CCDC175: variants seen among roughly 807,000 people sequenced by gnomAD.
CCDC175 encodes the protein coiled-coil domain-containing protein 175.
In CCDC175, 100 loss-of-function variants were observed where a neutral mutation model predicts 114.6. That is an observed-to-expected ratio of 0.87 (90% CI 0.74 to 1.03). The LOEUF (loss-of-function observed/expected upper bound fraction) is 1.03, where lower values mean the gene tolerates loss of function less well. CCDC175 is among the 50% of genes least tolerant of loss of function. The pLI is 0.00. For synonymous variants in CCDC175, 306 were observed against 308.7 expected, an observed-to-expected ratio of 0.99 and a Z score of 0.09; for missense variants, 880 against 917.8, an observed-to-expected ratio of 0.96 and a Z score of 0.53.
At chr14:59,557,347 T>A (rs1895965130) in intron 7 of CCDC175, among the ~76,000 whole-genome samples, 1 of 151,446 alleles carries the variant, frequency 6.6e-6, no homozygotes, top group African/African-American at 2.4e-5. Flanking sequence ...ACCATCATTC[T>A]CAGCAAACTA....
At chr14:59,539,716 G>A (rs1397082167) in intron 11 of CCDC175, among the ~76,000 whole-genome samples, 3 of 152,068 alleles carry the variant, frequency 2.0e-5, no homozygotes, top group African/African-American at 7.2e-5. Context: ...GAGTTTGAGA[G>A]CAGCGTGGCC....
At chr14:59,561,252 T>C in intron 6 of CCDC175, 24 bp from the exon 7 acceptor site, 1 of 1,287,634 alleles carries the variant, frequency 7.8e-7, no homozygotes, top group African/African-American at 1.5e-5. Context: ...AACAAAAATA[T>C]GGCATCCAAT....
chr14:59,574,072 G>C (rs1460599341), intron 2 of CCDC175, among the ~76,000 whole-genome samples: 2 of 152,130 alleles, frequency 1.3e-5, no homozygotes, highest in Non-Finnish European at 2.9e-5. Flanking sequence ...CAGCACCACA[G>C]AGCTGCACAA....
chr14:59,549,336 C>A lies in CCDC175; in HGVS notation c.1035+2019G>T, dbSNP rs142313432. Among the ~76,000 whole-genome samples, 27 of 152,220 alleles carry A rather than the reference C, an allele frequency of 1.8e-4. No individual in the cohort carries two copies. In the East Asian group the frequency reaches 5.2e-3, roughly 29 times the overall value. ...CACAACCAGCCGAGGCAACATAAAG[C>A]GACCTGTCTCTGCAAATAATTTAAA... On this transcript the variant is annotated intron_variant, in intron 8 of 19. Coordinates refer to ENST00000537690, the MANE Select transcript of CCDC175 (RefSeq NM_001164399.2).
At chr14:59,533,425 A>G (rs779723043) in intron 13 of CCDC175, among the ~76,000 whole-genome samples, 6 of 152,208 alleles carry the variant, frequency 3.9e-5, no homozygotes, top group African/African-American at 7.2e-5. Context: ...CAGTTTCCCA[A>G]TGAAAAAGGA....
chr14:59,511,885 T>C (rs116701549), intron 17 of CCDC175, 82 bp from the exon 18 acceptor site: 1 of 1,032,460 alleles, frequency 9.7e-7, no homozygotes, highest in Non-Finnish European at 1.4e-6. Flanking sequence ...CATTTTTGTT[T>C]TTTCAAAAAT....
intron 17 of CCDC175, among the ~76,000 whole-genome samples, chr14:59,515,100 A>C (rs1892994923): frequency 6.6e-6 from 1 of 152,224 alleles, no homozygotes; most frequent in South Asian, 2.1e-4. Context: ...AAAATCCTTT[A>C]TAGACAAGCA....
intron 7 of CCDC175, among the ~76,000 whole-genome samples, chr14:59,552,896 G>A (rs1037224978): frequency 7.9e-5 from 12 of 152,264 alleles, no homozygotes; most frequent in East Asian, 1.9e-4. Flanking sequence ...GAAATGAAGC[G>A]AGAAGAGAAG....
At position 59,521,650 on chromosome 14, in the gene CCDC175, T is replaced by C. The variant is rs1374491083; in HGVS notation, c.2022A>G (p.Ile674Met). 14 of 1,530,464 alleles carry C rather than the reference T, an allele frequency of 9.1e-6. No individual in the cohort carries two copies. Among genetic ancestry groups the C allele is most frequent in the Non-Finnish European group, 1.1e-5 (12 of 1,140,844 alleles). The allele number at this position is 1,530,464 out of a possible 1,614,324, so 94.8% of individuals were successfully genotyped here. A position where few individuals can be genotyped will look rare whatever the true frequency, so the allele number is the denominator to read the frequency against. The change falls in exon 17 of 20, where the codon ATA becomes ATG. Residue 674 changes from isoleucine to methionine, a missense_variant. Coordinates refer to ENST00000537690, the MANE Select transcript of CCDC175 (RefSeq NM_001164399.2). Reference sequence around the variant, plus strand: ...CTTCTTGTCCTTCTCTGTATTTCTCTATGTTATTCTTCAAGTATAAAATAT... The same window carrying C: ...CTTCTTGTCCTTCTCTGTATTTCTCCATGTTATTCTTCAAGTATAAAATAT... ...KEYILYLKNN[I>M]EKYREGQEAL...
intron 10 of CCDC175, among the ~76,000 whole-genome samples, 196 bp downstream of exon 10, chr14:59,543,148 T>C (rs780626502): frequency 1.3e-5 from 2 of 152,168 alleles, no homozygotes; most frequent in Non-Finnish European, 1.5e-5. Context: ...GGAGCTCCCA[T>C]AGAATTCAGA....
chr14:59,572,934 C>T, intron 2 of CCDC175, 121 bp from the exon 3 acceptor site: 8 of 560,566 alleles, frequency 1.4e-5, no homozygotes, highest in African/African-American at 1.4e-4. Context: ...ATATCTTCTG[C>T]CATTATTTTT....
At chr14:59,576,593 C>T in intron 1 of CCDC175, 26 bp downstream of exon 1, 1 of 1,402,584 alleles carries the variant, frequency 7.1e-7, no homozygotes, top group Non-Finnish European at 9.2e-7. Context: ...GGAGACGTCC[C>T]TTCCAGCGCC....
At chr14:59,553,271 A>G (rs1895644172) in intron 7 of CCDC175, among the ~76,000 whole-genome samples, 1 of 152,258 alleles carries the variant, frequency 6.6e-6, no homozygotes, top group Admixed American at 6.5e-5. Context: ...ATCTCTCAGC[A>G]GAAACTCTAC....
chr14:59,553,258 C>T (rs1895643050), intron 7 of CCDC175, among the ~76,000 whole-genome samples: 1 of 152,192 alleles, frequency 6.6e-6, no homozygotes, highest in Non-Finnish European at 1.5e-5. Flanking sequence ...AGATTAACAG[C>T]TGATCTCTCA....
At chr14:59,562,525 C>T (rs376179300) in intron 6 of CCDC175, among the ~76,000 whole-genome samples, 40 of 152,124 alleles carry the variant, frequency 2.6e-4, no homozygotes, top group East Asian at 1.9e-4. Context: ...AAGATTTGAA[C>T]GCAGCTCTGT....
intron 8 of CCDC175, among the ~76,000 whole-genome samples, chr14:59,545,683 G>T (rs915168899): frequency 1.3e-5 from 2 of 152,106 alleles, no homozygotes; most frequent in Admixed American, 1.3e-4. Context: ...TATTATGCTT[G>T]CTTCTTGTGA....
intron 3 of CCDC175, among the ~76,000 whole-genome samples, chr14:59,571,419 C>CA (rs1204178722): frequency 6.6e-6 from 1 of 152,028 alleles, no homozygotes; most frequent in Non-Finnish European, 1.5e-5. Flanking sequence ...TCAACAACAA[C>CA]AAAAAAGAAC....
At chr14:59,548,703 C>A (rs765576174) in intron 8 of CCDC175, among the ~76,000 whole-genome samples, 8 of 152,216 alleles carry the variant, frequency 5.3e-5, no homozygotes, top group Non-Finnish European at 1.0e-4. Context: ...AACCAGCCAA[C>A]AAACCAACCT....
chr14:59,533,273 C>T (rs996490321), intron 13 of CCDC175, among the ~76,000 whole-genome samples: 4 of 152,182 alleles, frequency 2.6e-5, no homozygotes, highest in Non-Finnish European at 5.9e-5. Flanking sequence ...CCACAGTTTC[C>T]CATGGGTTAT....
Sources: allele counts gnomAD v4.1 joint callset (sites outside exome capture counted in the v4.1 genomes callset), GRCh38; gene constraint gnomAD v4.1.1; transcripts MANE v1.5; gene names NCBI Gene and HGNC (gene_info 2026-07-23, HGNC 2026-07-21).